Variants in POU2F1 observed in about 807,000 individuals in gnomAD.
The protein encoded by POU2F1 is POU domain, class 2, transcription factor 1.
POU2F1 carries 16 observed loss-of-function variants against 84.9 expected under a neutral mutation model. The observed-to-expected ratio is 0.19, with a 90% CI of 0.13 to 0.29. POU2F1 has a LOEUF of 0.29. POU2F1 is among the 10% of genes least tolerant of loss of function. The probability of loss-of-function intolerance (pLI) is 1.00; values close to 1 mark genes in which losing one functional copy is unlikely to be tolerated. For missense variants in POU2F1, 738 were observed against 942.6 expected (o/e 0.78, Z 2.84); for synonymous variants, 368 against 368.3 (o/e 1.00, Z 0.01).
rs529023211 is a variant in POU2F1, at chr1:167,415,674, C to T, written c.2165C>T (p.Ser722Phe). ...PVSLVSAAAA[S>F]AGNSAPVASL... ...AGCTTGGTCTCTGCCGCCGCAGCAT[C>T]TGCAGGGAACTCTGCACCTGTAGCC... The change falls in exon 16 of 16, where the codon TCT (serine) becomes TTT (phenylalanine). Residue 722 changes from serine to phenylalanine, a missense_variant. Around this residue, in one of 4 missense-constraint regions of POU2F1, gnomAD observed 319 missense variants for 386.0 expected, o/e 0.83. Coordinates refer to ENST00000367866, the MANE Select transcript of POU2F1 (RefSeq NM_002697.4). The T allele has an allele frequency of 1.9e-6, 3 of 1,614,222 alleles. No individual in the cohort carries two copies. Among genetic ancestry groups the T allele is most frequent in the South Asian group, 1.1e-5 (1 of 91,084 alleles).
At chr1:167,251,387 A>G (rs1348415298) in intron 1 of POU2F1, among the ~76,000 whole-genome samples, 1 of 152,056 alleles carries the variant, frequency 6.6e-6, no homozygotes. Flanking sequence ...TGACAGAGGG[A>G]GACCTTGTCA....
chr1:167,240,068 G>T (rs1026439041), intron 1 of POU2F1, among the ~76,000 whole-genome samples: 2 of 151,892 alleles, frequency 1.3e-5, no homozygotes, highest in Non-Finnish European at 2.9e-5. Context: ...AATATTTATG[G>T]TTCTGCCTTC....
At chr1:167,400,335 TCATCACATTTC>T (rs1649123211) in intron 12 of POU2F1, among the ~76,000 whole-genome samples, 1 of 152,118 alleles carries the variant, frequency 6.6e-6, no homozygotes, top group Non-Finnish European at 1.5e-5. Flanking sequence ...TTTAATTCTT[TCATCACATTTC>T]CATCATACTC....
At position 167,420,033 on chromosome 1, in the gene POU2F1, TTGTC is replaced by T. The variant is rs1650548370; in HGVS notation, c.*4227_*4230del. 1 of 152,242 alleles carries T rather than the reference TTGTC, an allele frequency of 6.6e-6. No homozygotes were observed. The highest frequency in any genetic ancestry group is 2.1e-4 in the South Asian group (1 of 4,830). 9.4% of individuals were successfully genotyped at this position (152,242 alleles called of 1,614,324 possible). ...TTTATTTGGAAAGATAAGGGAAACC[TTGTC>T]TGTATTATCCAGAAGCACAGATATT... is the stretch of plus-strand genomic sequence containing the variant. On this transcript the variant is annotated 3_prime_UTR_variant, in exon 16 of 16. Transcript: ENST00000367866.
At chr1:167,336,811 T>C (rs1657487587) in intron 2 of POU2F1, among the ~76,000 whole-genome samples, 1 of 151,978 alleles carries the variant, frequency 6.6e-6, no homozygotes, top group African/African-American at 2.4e-5. Flanking sequence ...GGCAGATTGC[T>C]TAAGCCCAGG....
chr1:167,317,684 A>T (rs910877524), intron 1 of POU2F1, among the ~76,000 whole-genome samples: 1 of 152,242 alleles, frequency 6.6e-6, no homozygotes, highest in Non-Finnish European at 1.5e-5. Flanking sequence ...GCAGTTTTCC[A>T]TCCTGGGTGG....
chr1:167,221,518 C>CG (rs1417079202), intron 1 of POU2F1, among the ~76,000 whole-genome samples: 2 of 148,754 alleles, frequency 1.3e-5, no homozygotes, highest in Non-Finnish European at 3.0e-5. Flanking sequence ...CCCCGGCGGC[C>CG]GGACACCCGC....
intron 2 of POU2F1, 142 bp downstream of exon 2, chr1:167,332,677 C>G (rs1481370667): frequency 3.4e-6 from 2 of 596,366 alleles, no homozygotes; most frequent in Non-Finnish European, 5.8e-6. Flanking sequence ...CCTTTAGGAA[C>G]TGGGAGGGAT....
intron 7 of POU2F1, among the ~76,000 whole-genome samples, chr1:167,381,495 G>T (rs1647545119): frequency 6.6e-6 from 1 of 151,144 alleles, no homozygotes; most frequent in African/African-American, 2.4e-5. Flanking sequence ...ATCTGCTTTT[G>T]TCTCTTACAG....
At position 167,307,787 on chromosome 1, in the gene POU2F1, G is replaced by T. The variant is rs141378772; in HGVS notation, c.62-24683G>T. 1.1e-4 allele frequency among the ~76,000 whole-genome samples: 17 copies of T among 152,192 alleles called. No individual in the cohort carries two copies. In the East Asian group the frequency reaches 3.3e-3, roughly 29 times the overall value. Reference sequence around the variant, plus strand: ...AAATTTTGCCACTTGTCCCCAAAATGTCCCTTACACCAAAATAATCCAATC... The same window carrying T: ...AAATTTTGCCACTTGTCCCCAAAATTTCCCTTACACCAAAATAATCCAATC... On this transcript the variant is annotated intron_variant, in intron 1 of 15. Coordinates refer to ENST00000367866, the MANE Select transcript of POU2F1 (RefSeq NM_002697.4).
intron 1 of POU2F1, among the ~76,000 whole-genome samples, chr1:167,318,095 A>G (rs1161465253): frequency 6.6e-6 from 1 of 152,134 alleles, no homozygotes; most frequent in African/African-American, 2.4e-5. Flanking sequence ...TGTGCCTGGG[A>G]TGCTTTAAGT....
intron 5 of POU2F1, 55 bp downstream of exon 5, chr1:167,372,091 T>G (rs966826082): frequency 2.5e-6 from 4 of 1,576,450 alleles, no homozygotes; most frequent in African/African-American, 1.4e-5. Flanking sequence ...GAACTGCCAT[T>G]GGCCAATAGC....
chr1:167,355,292 A>T lies in POU2F1; in HGVS notation c.128-10175A>T, dbSNP rs1658863138. 1.3e-5 allele frequency among the ~76,000 whole-genome samples: 2 copies of T among 150,866 alleles called. 1 individual carries two copies. The highest frequency in any genetic ancestry group is 1.3e-4 in the Admixed American group (2 of 15,118). ...TTTCCTCATTGATCTGTCATCTTTCATCCCTTCCTCACCTCTGTCATGTTT... is the reference window on the plus strand; with the variant it reads ...TTTCCTCATTGATCTGTCATCTTTCTTCCCTTCCTCACCTCTGTCATGTTT... On this transcript the variant is annotated intron_variant, in intron 2 of 15. Coordinates refer to ENST00000367866, the MANE Select transcript of POU2F1 (RefSeq NM_002697.4).
At chr1:167,413,239 G>C in intron 15 of POU2F1, 125 bp downstream of exon 15, 1 of 834,834 alleles carries the variant, frequency 1.2e-6, no homozygotes, top group Non-Finnish European at 1.9e-6. Flanking sequence ...AAAAGTGATG[G>C]GAAAGAGTCA....
intron 1 of POU2F1, among the ~76,000 whole-genome samples, chr1:167,306,338 A>C (rs187779277): frequency 4.6e-5 from 7 of 152,242 alleles, no homozygotes. Flanking sequence ...CCTGTGTACA[A>C]TAAAGATGAT....
chr1:167,284,015 A>T (rs887373164), intron 1 of POU2F1, among the ~76,000 whole-genome samples: 1 of 152,162 alleles, frequency 6.6e-6, no homozygotes, highest in African/African-American at 2.4e-5. Context: ...TTCAGGCCAG[A>T]TTCTTTAATA....
intron 2 of POU2F1, among the ~76,000 whole-genome samples, chr1:167,357,092 G>A (rs917129468): frequency 2.6e-5 from 4 of 151,994 alleles, no homozygotes; most frequent in Non-Finnish European, 4.4e-5. Context: ...CCCTGAAGCC[G>A]GCTGCCAATT....
intron 4 of POU2F1, 49 bp downstream of exon 4, chr1:167,370,263 T>TAA (rs1416931410): frequency 6.7e-7 from 1 of 1,496,004 alleles, no homozygotes; most frequent in Non-Finnish European, 9.1e-7. Flanking sequence ...TATTTTTTCT[T>TAA]ATATTTTTCT....
intron 1 of POU2F1, among the ~76,000 whole-genome samples, chr1:167,278,117 C>T (rs1275369088): frequency 2.0e-5 from 3 of 152,154 alleles, no homozygotes; most frequent in Admixed American, 6.5e-5. Flanking sequence ...TTCTCCACCT[C>T]CCCTCTTATT....
Sources: gnomAD v4.1 joint callset for allele counts (sites outside exome capture counted in the v4.1 genomes callset) on GRCh38, gnomAD v4.1.1 for gene constraint, gnomAD v4.1.1 regional missense constraint, MANE v1.5 for transcripts, NCBI Gene and HGNC (gene_info 2026-07-23, HGNC 2026-07-21) for gene names.